The following KAZN variants were observed in gnomAD, a reference collection of about 807,000 sequenced individuals.
KAZN encodes the protein kazrin.
In KAZN, 40 loss-of-function variants were observed where a neutral mutation model predicts 87.4. The ratio of observed to expected loss-of-function variants is 0.46; its 90% CI spans 0.36 to 0.60. The LOEUF is 0.60. Ranked by LOEUF, KAZN falls within the 20% of genes least tolerant of loss-of-function variation. The pLI is 0.00. For synonymous variants in KAZN, 466 were observed against 458.3 expected (o/e 1.02, Z -0.22); for missense variants, 898 against 1,073.9 (o/e 0.84, Z 2.29).
chr1:14,325,442 C>T (rs1227848219), intron 2 of KAZN, among the ~76,000 whole-genome samples: 1 of 152,136 alleles, frequency 6.6e-6, no homozygotes, highest in African/African-American at 2.4e-5. Context: ...AAATAGTGTT[C>T]ATCTGACATG....
intron 1 of KAZN, among the ~76,000 whole-genome samples, chr1:14,860,217 G>A (rs909013013): frequency 1.3e-5 from 2 of 148,734 alleles, no homozygotes; most frequent in African/African-American, 5.0e-5. Context: ...CTTTCAACAG[G>A]GTCTCACTCT....
At chr1:14,635,625 C>T (rs182720245) in intron 1 of KAZN, among the ~76,000 whole-genome samples, 97 of 152,352 alleles carry the variant, frequency 6.4e-4, no homozygotes, top group Non-Finnish European at 1.2e-3. Flanking sequence ...TTTCCCTCTG[C>T]CACGTTCTCT....
chr1:14,616,654 C>A (rs1678267569), intron 1 of KAZN, among the ~76,000 whole-genome samples: 1 of 152,202 alleles, frequency 6.6e-6, no homozygotes, highest in Non-Finnish European at 1.5e-5. Flanking sequence ...TACCTCTTGG[C>A]ATTTCTGAGA....
At chr1:14,743,132 C>G (rs1381382810) in intron 1 of KAZN, among the ~76,000 whole-genome samples, 1 of 152,078 alleles carries the variant, frequency 6.6e-6, no homozygotes, top group Non-Finnish European at 1.5e-5. Context: ...GGGTCAGGAT[C>G]AGAGAGGTCC....
intron 1 of KAZN, among the ~76,000 whole-genome samples, chr1:14,038,422 G>A (rs915961768): frequency 1.3e-5 from 2 of 152,174 alleles, no homozygotes; most frequent in Non-Finnish European, 2.9e-5. Context: ...CCTTATGCAG[G>A]AACATCCTGC....
chr1:14,155,798 C>T lies in KAZN; in HGVS notation c.92-24637C>T, dbSNP rs369719408. 1.2e-3 allele frequency among the ~76,000 whole-genome samples: 188 copies of T among 152,212 alleles called. 1 individual carries two copies. Among genetic ancestry groups the T allele is most frequent in the Middle Eastern group, 6.8e-3 (2 of 294 alleles). On this transcript the variant is annotated intron_variant, in intron 1 of 16. Transcript: ENST00000636203. ...CTGAGTATCTGGGATTACAGATATACACCACCATGTCCAGTTAATTTTTGT... is the reference window on the plus strand; with the variant it reads ...CTGAGTATCTGGGATTACAGATATATACCACCATGTCCAGTTAATTTTTGT...
intron 1 of KAZN, among the ~76,000 whole-genome samples, chr1:14,743,385 G>C (rs937265370): frequency 1.6e-4 from 24 of 150,584 alleles, no homozygotes; most frequent in African/African-American, 5.4e-4. Context: ...AGCTGAGATC[G>C]CGCCACTGCA....
chr1:13,954,075 A>T (rs566885782), intron 1 of KAZN, among the ~76,000 whole-genome samples: 13 of 152,312 alleles, frequency 8.5e-5, no homozygotes, highest in Admixed American at 5.9e-4. Flanking sequence ...CAGATGAATG[A>T]GTGGCTGAGC....
intron 1 of KAZN, among the ~76,000 whole-genome samples, chr1:14,681,338 G>C (rs529676777): frequency 1.1e-3 from 171 of 152,144 alleles, no homozygotes; most frequent in African/African-American, 3.9e-3. Context: ...GGACATTTGT[G>C]TTCAAGTCTT....
chr1:14,398,023 G>C (rs923138558), intron 2 of KAZN, among the ~76,000 whole-genome samples: 1 of 152,158 alleles, frequency 6.6e-6, no homozygotes, highest in Non-Finnish European at 1.5e-5. Context: ...CAAAGTTCCC[G>C]ATTGACTCAT....
At chr1:14,595,701 AAAAGAAAAAG>A (rs1174197513), upstream of KAZN, among the ~76,000 whole-genome samples, 1 of 151,602 alleles carries the variant, frequency 6.6e-6, no homozygotes, top group African/African-American at 2.4e-5. Flanking sequence ...AAAAAAAAGA[AAAAGAAAAAG>A]AAAGAAAAAA....
In KAZN at chr1:13,939,997, C is replaced by T. The variant is rs1640870786; in HGVS notation, c.91+46241C>T. On this transcript the variant is annotated intron_variant, in intron 1 of 16. Transcript: ENST00000636203. ...CTGACTCCATGATCTAATCGCCTCC[C>T]ACCAGGTCCCACCTCCAATGATGGG... 2.0e-5 allele frequency among the ~76,000 whole-genome samples: 3 copies of T among 152,290 alleles called. 1 individual carries two copies. The South Asian group carries it at 6.2e-4, about 32-fold the overall frequency.
Position 14,702,211 on chromosome 1 carries a change from C to T in KAZN, c.226+102988C>T, listed in dbSNP as rs554586495. Among the ~76,000 whole-genome samples the T allele has an allele frequency of 1.4e-4, 22 of 152,236 alleles. No individual in the cohort carries two copies. In the South Asian group the frequency reaches 4.3e-3, roughly 30 times the overall value. On this transcript the variant is annotated intron_variant, in intron 1 of 14. Transcript: ENST00000376030. ...TTAAGTTTGCTGTTTTGAAAAGGCC[C>T]CATGGCCTGGGCAGCTCAGGAGGTT...
At chr1:14,370,163 A>G (rs1455559775) in intron 2 of KAZN, among the ~76,000 whole-genome samples, 1 of 152,134 alleles carries the variant, frequency 6.6e-6, no homozygotes, top group Non-Finnish European at 1.5e-5. Flanking sequence ...CACCCCCAGG[A>G]ACTAGAGAAG....
At chr1:14,142,370 T>C (rs1350025909) in intron 1 of KAZN, among the ~76,000 whole-genome samples, 1 of 152,220 alleles carries the variant, frequency 6.6e-6, no homozygotes, top group Non-Finnish European at 1.5e-5. Flanking sequence ...AGGTTGTTCC[T>C]AACAGCAAAT....
At chr1:14,581,096 C>T (rs1242892712) in intron 2 of KAZN, among the ~76,000 whole-genome samples, 1 of 152,090 alleles carries the variant, frequency 6.6e-6, no homozygotes, top group South Asian at 2.1e-4. Flanking sequence ...TACATGCTGA[C>T]ACCTTCCAAA....
chr1:15,052,731 A>G (rs1387391789), intron 4 of KAZN, among the ~76,000 whole-genome samples: 1 of 152,166 alleles, frequency 6.6e-6, no homozygotes, highest in South Asian at 2.1e-4. Flanking sequence ...GGAAGCTTAC[A>G]ATCCTGAGTG....
chr1:14,510,473 C>CATAAAGTATA (rs1183567918), intron 2 of KAZN, among the ~76,000 whole-genome samples: 8 of 151,796 alleles, frequency 5.3e-5, no homozygotes, highest in Admixed American at 5.2e-4. Flanking sequence ...ATGGGATATA[C>CATAAAGTATA]TTTATACTAA....
At position 14,352,203 on chromosome 1, in the gene KAZN, A is replaced by G. The variant is rs1460987736; in HGVS notation, c.249+171611A>G. Among the ~76,000 whole-genome samples the G allele has an allele frequency of 2.0e-5, 3 of 152,156 alleles. No homozygotes were observed. The East Asian group carries it at 5.8e-4, about 29-fold the overall frequency. On this transcript the variant is annotated intron_variant, in intron 2 of 16. Transcript: ENST00000636203. Reference sequence around the variant, plus strand: ...TCATGAAAAAGATTTTTTCACATCTATCTACATACATGGTTATGTACAATT... The same window carrying G: ...TCATGAAAAAGATTTTTTCACATCTGTCTACATACATGGTTATGTACAATT...
Sources: allele counts gnomAD v4.1 joint callset (sites outside exome capture counted in the v4.1 genomes callset), GRCh38; gene constraint gnomAD v4.1.1; transcripts MANE v1.5; gene names NCBI Gene and HGNC (gene_info 2026-07-23, HGNC 2026-07-21).